ARSF: variants seen among roughly 807,000 people sequenced by gnomAD.
ARSF encodes arylsulfatase F.
Under a neutral mutation model 35.4 loss-of-function variants are expected in ARSF, and 33 were observed. That is an observed-to-expected ratio of 0.93 (90% CI 0.71 to 1.25). The LOEUF (loss-of-function observed/expected upper bound fraction) is 1.25. Among genes scored for constraint, ARSF ranks in the 50% most tolerant of loss-of-function variants. The pLI is 0.00. For missense variants in ARSF, 501 were observed against 480.2 expected, an observed-to-expected ratio of 1.04 and a Z score of -0.40; for synonymous variants, 222 against 193.1, an observed-to-expected ratio of 1.15 and a Z score of -1.24.
At chrX:3,053,769 T>G (rs1306331319) in intron 1 of ARSF, among the ~76,000 whole-genome samples, 4 of 103,487 alleles carry the variant, frequency 3.9e-5, no homozygotes, top group Admixed American at 1.1e-4. Flanking sequence ...TTTTTTTTTT[T>G]TTTTTTTTTG....
intron 9 of ARSF, among the ~76,000 whole-genome samples, chrX:3,109,858 C>G (rs1392235818): frequency 3.6e-5 from 4 of 111,167 alleles, no homozygotes; most frequent in African/African-American, 1.3e-4. Flanking sequence ...AGCTCTGTGT[C>G]GCAGCCAAGG....
intron 5 of ARSF, among the ~76,000 whole-genome samples, chrX:3,081,229 C>A: frequency 8.9e-6 from 1 of 111,988 alleles, no homozygotes; most frequent in Non-Finnish European, 1.9e-5. Context: ...CATAGAAAGA[C>A]CCCGTCTCTA....
At chrX:3,093,026 C>G (rs888924426) in intron 7 of ARSF, among the ~76,000 whole-genome samples, 1 of 106,203 alleles carries the variant, frequency 9.4e-6, no homozygotes, top group Non-Finnish European at 1.9e-5. Context: ...CAAACACATC[C>G]GTGGTGGCGG....
intron 3 of ARSF, 49 bp from the exon 4 acceptor site, chrX:3,076,499 C>T (rs1012596380): frequency 2.0e-5 from 23 of 1,147,797 alleles, no homozygotes; most frequent in Non-Finnish European, 2.7e-5. Context: ...GCTTCCCCCG[C>T]CCCCCACCTT....
At chrX:3,094,368 G>T (rs149335464) in intron 7 of ARSF, among the ~76,000 whole-genome samples, 1 of 111,611 alleles carries the variant, frequency 9.0e-6, no homozygotes, top group Non-Finnish European at 1.9e-5. Context: ...AGCCCCATTA[G>T]ACTCCTACAG....
chrX:3,099,384 CTTG>C (rs1490669587), intron 7 of ARSF, among the ~76,000 whole-genome samples: 1 of 111,687 alleles, frequency 9.0e-6, no homozygotes, highest in African/African-American at 3.2e-5. Flanking sequence ...CATGGATTTT[CTTG>C]TTGTATCTGT....
intron 8 of ARSF, 52 bp from the exon 9 acceptor site, chrX:3,103,710 G>T: frequency 8.5e-7 from 1 of 1,176,091 alleles, no homozygotes; most frequent in Non-Finnish European, 1.2e-6. Flanking sequence ...ATTCAATACA[G>T]TGACTATTTT....
intron 9 of ARSF, among the ~76,000 whole-genome samples, chrX:3,105,922 A>G (rs1254145281): frequency 8.9e-6 from 1 of 112,257 alleles, no homozygotes; most frequent in Non-Finnish European, 1.9e-5. Context: ...GGGAGACGGC[A>G]AATGTCCAGG....
intron 1 of ARSF, among the ~76,000 whole-genome samples, chrX:3,065,435 AAAATAAAT>A (rs769293147): frequency 3.7e-5 from 4 of 107,946 alleles, no homozygotes; most frequent in African/African-American, 1.4e-4. Context: ...AAGTATAATA[AAAATAAAT>A]AAATAAATAA....
chrX:3,103,893 T>A lies in ARSF; in HGVS notation c.1234T>A (p.Ser412Thr), dbSNP rs1450527743. ...SLMDILPTVASVSGGSLPQDR... is the reference protein window; with the variant it reads ...SLMDILPTVATVSGGSLPQDR... ...AATGGATATTTTACCAACTGTCGCA[T>A]CAGTGTCAGGAGGAAGTCTCCCTCA... is the stretch of plus-strand genomic sequence containing the variant. The change falls in exon 9 of 11, where the codon TCA becomes ACA. Residue 412 changes from serine (S) to threonine (T), a missense_variant. Transcript: ENST00000381127. 1 of 1,209,676 alleles carries A rather than the reference T, an allele frequency of 8.3e-7. No homozygotes were observed. The highest frequency in any genetic ancestry group is 1.1e-6 in the Non-Finnish European group (1 of 895,224).
chrX:3,063,957 A>G (rs2090052901), intron 1 of ARSF, among the ~76,000 whole-genome samples: 1 of 112,173 alleles, frequency 8.9e-6, no homozygotes, highest in Non-Finnish European at 1.9e-5. Flanking sequence ...AAACGACTTT[A>G]AAGTTCATAT....
intron 3 of ARSF, among the ~76,000 whole-genome samples, chrX:3,074,955 C>T (rs977062337): frequency 8.9e-6 from 1 of 111,941 alleles, no homozygotes; most frequent in African/African-American, 3.2e-5. Flanking sequence ...ATTTGTCTCT[C>T]TGTGCTTGGC....
At chrX:3,041,279 T>C (rs2089953646), upstream of ARSF, among the ~76,000 whole-genome samples, 1 of 88,787 alleles carries the variant, frequency 1.1e-5, no homozygotes, top group African/African-American at 4.6e-5. Flanking sequence ...CTTTTTGTTC[T>C]TTTCTTTTCT....
At chrX:3,053,083 G>A (rs2090003129) in intron 1 of ARSF, among the ~76,000 whole-genome samples, 1 of 111,178 alleles carries the variant, frequency 9.0e-6, no homozygotes, top group African/African-American at 3.3e-5. Context: ...ACCATGCCCA[G>A]GAACTAGCCT....
At chrX:3,106,120 T>G (rs973081483) in intron 9 of ARSF, among the ~76,000 whole-genome samples, 3 of 112,169 alleles carry the variant, frequency 2.7e-5, no homozygotes, top group Non-Finnish European at 3.8e-5. Context: ...TGATAAGATG[T>G]ATAGTACAGC....
chrX:3,100,149 C>G (rs185799978), intron 7 of ARSF, among the ~76,000 whole-genome samples: 2 of 112,241 alleles, frequency 1.8e-5, no homozygotes, highest in East Asian at 5.6e-4. Flanking sequence ...CTAATTCTCC[C>G]AACCTAGTCA....
At chrX:3,099,638 T>G (rs978953342) in intron 7 of ARSF, among the ~76,000 whole-genome samples, 13 of 111,697 alleles carry the variant, frequency 1.2e-4, no homozygotes, top group Non-Finnish European at 2.1e-4. Flanking sequence ...AAATGGTGTC[T>G]TCCAGTTTTC....
intron 5 of ARSF, among the ~76,000 whole-genome samples, chrX:3,081,215 G>A (rs1488100677): frequency 8.9e-6 from 1 of 111,924 alleles, no homozygotes; most frequent in Non-Finnish European, 1.9e-5. Flanking sequence ...ACCAGCCTGG[G>A]CAACATAGAA....
chrX:3,097,240 G>A (rs2090343711), intron 7 of ARSF, among the ~76,000 whole-genome samples: 1 of 112,097 alleles, frequency 8.9e-6, no homozygotes, highest in African/African-American at 3.2e-5. Flanking sequence ...TACACATTAA[G>A]GACATTGAGT....
Sources: gnomAD v4.1 joint callset for allele counts (sites outside exome capture counted in the v4.1 genomes callset) on GRCh38, gnomAD v4.1.1 for gene constraint, MANE v1.5 for transcripts, NCBI Gene and HGNC (gene_info 2026-07-23, HGNC 2026-07-21) for gene names.